The following ATG7 variants were observed in gnomAD, a reference collection of about 807,000 sequenced individuals.
The protein encoded by ATG7 is autophagy related 7.
Under a neutral mutation model 82.4 loss-of-function variants are expected in ATG7, and 70 were observed. The observed-to-expected ratio is 0.85, with a 90% CI of 0.70 to 1.04. The LOEUF is 1.04. ATG7 is among the 50% of genes least tolerant of loss of function. ATG7 has a pLI of 0.00. For synonymous variants in ATG7, 287 were observed against 313.0 expected (o/e 0.92, Z 0.88); for missense variants, 792 against 864.3 (o/e 0.92, Z 1.05).
Position 11,306,373 on chromosome 3 carries a change from T to G in ATG7, c.216-570T>G, listed in dbSNP as rs147248854. 1.1e-3 allele frequency among the ~76,000 whole-genome samples: 173 copies of G among 152,324 alleles called. 1 individual carries two copies. The Middle Eastern group carries it at 0.017, about 15-fold the overall frequency. On this transcript the variant is annotated intron_variant, in intron 5 of 20. Transcript: ENST00000693202. ...TAGTTCTTGAAAATGCTAGAAAATATTATGCTGAGTTTTATGTGCCAACTC... is the reference window on the plus strand; with the variant it reads ...TAGTTCTTGAAAATGCTAGAAAATAGTATGCTGAGTTTTATGTGCCAACTC...
chr3:11,369,124 G>A (rs1446789936), intron 18 of ATG7, among the ~76,000 whole-genome samples: 1 of 150,868 alleles, frequency 6.6e-6, no homozygotes, highest in East Asian at 1.9e-4. Context: ...CACAGGCTGT[G>A]TCCCCCAAAT....
intron 9 of ATG7, among the ~76,000 whole-genome samples, chr3:11,316,658 C>T (rs1949458195): frequency 1.3e-5 from 2 of 152,184 alleles, no homozygotes; most frequent in African/African-American, 4.8e-5. Flanking sequence ...GAATTTGTGT[C>T]TGCATAGTGT....
intron 14 of ATG7, among the ~76,000 whole-genome samples, chr3:11,356,698 TGTA>T (rs1179830298): frequency 3.3e-5 from 5 of 152,228 alleles, no homozygotes; most frequent in Non-Finnish European, 2.9e-5. Context: ...CTTTGTCAAT[TGTA>T]GTATGTCAGT....
intron 19 of ATG7, among the ~76,000 whole-genome samples, chr3:11,414,108 T>C (rs1041491770): frequency 6.6e-6 from 1 of 152,208 alleles, no homozygotes; most frequent in Non-Finnish European, 1.5e-5. Flanking sequence ...CTTGCTCTTG[T>C]TGCCCAGGCT....
chr3:11,558,567 CAG>C, downstream of ATG7: 1 of 1,601,284 alleles, frequency 6.2e-7, no homozygotes, highest in Non-Finnish European at 8.5e-7. Context: ...CAGGAGACCA[CAG>C]AGGGGGAGTG....
intron 18 of ATG7, among the ~76,000 whole-genome samples, chr3:11,378,923 G>T (rs1420765488): frequency 6.6e-6 from 1 of 152,078 alleles, no homozygotes; most frequent in Non-Finnish European, 1.5e-5. Context: ...AACGGTGGTG[G>T]ATCGGGTCTT....
At chr3:11,446,609 A>T in intron 20 of ATG7, 1 of 371,904 alleles carries the variant, frequency 2.7e-6, no homozygotes, top group Non-Finnish European at 5.2e-6. Context: ...AATGAGGCAC[A>T]TGATACATCA....
intron 13 of ATG7, among the ~76,000 whole-genome samples, chr3:11,347,064 A>G (rs1174837346): frequency 6.6e-6 from 1 of 152,244 alleles, no homozygotes; most frequent in Non-Finnish European, 1.5e-5. Flanking sequence ...ATGATCTACT[A>G]AAATATACCC....
chr3:11,340,599 T>C, intron 11 of ATG7, 46 bp from the exon 12 acceptor site: 1 of 1,549,150 alleles, frequency 6.5e-7, no homozygotes, highest in Non-Finnish European at 8.9e-7. Flanking sequence ...CTGCTTGTTT[T>C]TATTCTTCCC....
At chr3:11,343,567 C>T (rs1306328592) in intron 13 of ATG7, among the ~76,000 whole-genome samples, 1 of 151,718 alleles carries the variant, frequency 6.6e-6, no homozygotes, top group African/African-American at 2.4e-5. Flanking sequence ...AAGTTTTTTT[C>T]AGCTTTATGT....
the ATG7 span, among the ~76,000 whole-genome samples, chr3:11,573,598 G>A: frequency 6.6e-6 from 1 of 152,206 alleles, no homozygotes; most frequent in East Asian, 1.9e-4. Flanking sequence ...TGTATCCTCG[G>A]TGACATCTGG....
intron 9 of ATG7, among the ~76,000 whole-genome samples, chr3:11,328,248 T>A (rs905995490): frequency 6.6e-6 from 1 of 152,202 alleles, no homozygotes; most frequent in East Asian, 1.9e-4. Context: ...CTCTATGAAA[T>A]AAGTAATATA....
At chr3:11,446,388 G>C in intron 20 of ATG7, 1 of 299,100 alleles carries the variant, frequency 3.3e-6, no homozygotes, top group Non-Finnish European at 6.4e-6. Context: ...CTCTTTATTT[G>C]TAAGACTATA....
chr3:11,512,121 G>A (rs988705761), intron 20 of ATG7, among the ~76,000 whole-genome samples: 7 of 152,198 alleles, frequency 4.6e-5, no homozygotes, highest in African/African-American at 1.7e-4. Context: ...CCAAGAGCAA[G>A]CGAGGGCTCT....
At chr3:11,467,540 T>G (rs2153008272) in intron 20 of ATG7, among the ~76,000 whole-genome samples, 1 of 152,274 alleles carries the variant, frequency 6.6e-6, no homozygotes, top group East Asian at 1.9e-4. Context: ...CGTGCCTGAC[T>G]AATTTTTGTA....
chr3:11,574,760 A>G, the ATG7 span, among the ~76,000 whole-genome samples: 1 of 150,240 alleles, frequency 6.7e-6, no homozygotes, highest in Non-Finnish European at 1.5e-5. Flanking sequence ...ATGAATATGT[A>G]CAATTACTGT....
chr3:11,327,413 A>G lies in ATG7; in HGVS notation c.679-3927A>G, dbSNP rs541345499. ...TAGTGCTAAGATGATAGTGTACATA[A>G]GAATCACATGCGGTATTCACTGGAC... On this transcript the variant is annotated intron_variant, in intron 9 of 20. Coordinates refer to ENST00000693202, the MANE Select transcript of ATG7 (RefSeq NM_001349232.2). Among the ~76,000 whole-genome samples, 3 of 152,342 alleles carry G rather than the reference A, an allele frequency of 2.0e-5. No individual in the cohort carries two copies. The East Asian group carries it at 5.8e-4, about 29-fold the overall frequency.
chr3:11,544,323 C>G (rs780777825), intron 20 of ATG7, among the ~76,000 whole-genome samples: 4 of 152,214 alleles, frequency 2.6e-5, no homozygotes, highest in Non-Finnish European at 5.9e-5. Flanking sequence ...AAAAGCAGAC[C>G]TGGGTCCAGC....
At chr3:11,571,255 T>C in the ATG7 span, among the ~76,000 whole-genome samples, 1 of 152,058 alleles carries the variant, frequency 6.6e-6, no homozygotes, top group Non-Finnish European at 1.5e-5. Flanking sequence ...CAGCAACTAC[T>C]GCCATAGCTT....
Sources: allele counts gnomAD v4.1 joint callset (sites outside exome capture counted in the v4.1 genomes callset), GRCh38; gene constraint gnomAD v4.1.1; transcripts MANE v1.5; gene names NCBI Gene and HGNC (gene_info 2026-07-23, HGNC 2026-07-21).